The following DOCK4 variants were observed in gnomAD, a reference collection of about 807,000 sequenced individuals.
DOCK4 encodes the protein dedicator of cytokinesis 4.
In DOCK4, 97 loss-of-function variants were observed where a neutral mutation model predicts 268.1. The ratio of observed to expected loss-of-function variants is 0.36; its 90% confidence interval spans 0.31 to 0.43. The LOEUF (loss-of-function observed/expected upper bound fraction) is 0.43, where lower values mean the gene tolerates loss of function less well. DOCK4 is among the 20% of genes least tolerant of loss of function. The probability of loss-of-function intolerance (pLI) is 1.00; values close to 1 mark genes in which losing one functional copy is unlikely to be tolerated. For missense variants in DOCK4, 2,145 were observed against 2,455.7 expected (o/e 0.87, Z 2.67); for synonymous variants, 954 against 887.2 (o/e 1.08, Z -1.34).
chr7:112,197,362 A>C (rs1464166112), intron 1 of DOCK4, among the ~76,000 whole-genome samples: 1 of 151,340 alleles, frequency 6.6e-6, no homozygotes, highest in Admixed American at 6.6e-5. Context: ...CCATTTTTAG[A>C]TGGGTGCGTG....
rs111348179 is a variant in DOCK4, at chr7:111,769,807, A to G, written c.3680-130T>C. ...AAATTTCGTGATATAGCAGAAAAAT[A>G]TCCAGAATATATGCAGCAGTAGGGT... is the stretch of plus-strand genomic sequence containing the variant. On this transcript the variant is annotated intron_variant, in intron 36 of 52. Coordinates refer to ENST00000428084, the MANE Select transcript of DOCK4 (RefSeq NM_001363540.2). 19 of 1,088,742 alleles carry G rather than the reference A, an allele frequency of 1.7e-5. No individual in the cohort carries two copies. In the African/African-American group the frequency reaches 2.1e-4, roughly 12 times the overall value. 67.4% of individuals were successfully genotyped at this position (1,088,742 alleles called of 1,614,324 possible). A position where few individuals can be genotyped will look rare whatever the true frequency, so the allele number is the denominator to read the frequency against.
At chr7:111,816,426 G>C (rs142163360) in intron 27 of DOCK4, among the ~76,000 whole-genome samples, 1 of 152,290 alleles carries the variant, frequency 6.6e-6, no homozygotes, top group East Asian at 1.9e-4. Flanking sequence ...ACCAATGTGG[G>C]AATGCATCTA....
At chr7:112,136,480 G>T (rs1409700317) in intron 1 of DOCK4, among the ~76,000 whole-genome samples, 2 of 152,108 alleles carry the variant, frequency 1.3e-5, no homozygotes, top group Admixed American at 6.5e-5. Context: ...TAATTCACTC[G>T]CTCCCTCACA....
intron 30 of DOCK4, among the ~76,000 whole-genome samples, chr7:111,807,337 T>C (rs1800752289): frequency 6.6e-6 from 1 of 152,042 alleles, no homozygotes; most frequent in African/African-American, 2.4e-5. Flanking sequence ...AAAGAATCAA[T>C]GAAACCTGAA....
chr7:111,761,023 A>G (rs1322307753), intron 39 of DOCK4, among the ~76,000 whole-genome samples: 1 of 151,768 alleles, frequency 6.6e-6, no homozygotes, highest in Admixed American at 6.6e-5. Context: ...TGCCCCCTAC[A>G]ACACCCCATT....
intron 4 of DOCK4, among the ~76,000 whole-genome samples, chr7:111,994,459 T>A (rs973963609): frequency 6.6e-6 from 1 of 152,124 alleles, no homozygotes; most frequent in Non-Finnish European, 1.5e-5. Context: ...AGCAGCGTGG[T>A]GAAGAAGGAA....
chr7:112,140,209 A>G (rs971374829), intron 1 of DOCK4, among the ~76,000 whole-genome samples: 1 of 152,154 alleles, frequency 6.6e-6, no homozygotes. Context: ...ATTAGTCACA[A>G]TAACAAACCA....
At chr7:111,760,883 A>T (rs957964209) in intron 39 of DOCK4, among the ~76,000 whole-genome samples, 1 of 151,900 alleles carries the variant, frequency 6.6e-6, no homozygotes, top group Non-Finnish European at 1.5e-5. Flanking sequence ...TCCAAAAAGT[A>T]CCTGAATGAT....
At chr7:111,935,360 A>T in intron 12 of DOCK4, 180 bp downstream of exon 12, 1 of 677,184 alleles carries the variant, frequency 1.5e-6, no homozygotes, top group South Asian at 1.6e-5. Context: ...ATAGGGAGTT[A>T]TAAGTACAAC....
At chr7:111,982,081 T>C (rs1220322564) in intron 7 of DOCK4, among the ~76,000 whole-genome samples, 1 of 152,230 alleles carries the variant, frequency 6.6e-6, no homozygotes, top group East Asian at 1.9e-4. Flanking sequence ...GTGCAAGTGT[T>C]GTGCGGAACT....
chr7:112,184,013 T>C (rs998671896), intron 1 of DOCK4, among the ~76,000 whole-genome samples: 2 of 152,214 alleles, frequency 1.3e-5, no homozygotes, highest in African/African-American at 4.8e-5. Flanking sequence ...TGCAGACTTT[T>C]ATCACACCAC....
Position 111,977,284 on chromosome 7 carries a change from C to A in DOCK4, c.550-1G>T. The stretch of plus-strand genomic sequence containing the variant: ...CTTTCTTCCGATGTCGATGTTCCAT[C>A]TGAATGACACCCCCCAACAAAAACA... On this transcript the variant is annotated splice_acceptor_variant, in intron 7 of 52. Coordinates refer to ENST00000428084, the MANE Select transcript of DOCK4 (RefSeq NM_001363540.2). LOFTEE classifies it high-confidence loss of function. 2 of 1,589,568 alleles carry A rather than the reference C, an allele frequency of 1.3e-6. No homozygotes were observed. The highest frequency in any genetic ancestry group is 1.7e-6 in the Non-Finnish European group (2 of 1,167,532).
intron 1 of DOCK4, among the ~76,000 whole-genome samples, chr7:112,123,575 C>T (rs1400920716): frequency 6.6e-6 from 1 of 152,142 alleles, no homozygotes; most frequent in Non-Finnish European, 1.5e-5. Flanking sequence ...TTTTAGCTAT[C>T]AAGTCAAGAA....
chr7:112,132,482 A>T (rs1284675972), intron 1 of DOCK4, among the ~76,000 whole-genome samples: 2 of 152,140 alleles, frequency 1.3e-5, no homozygotes, highest in African/African-American at 4.8e-5. Flanking sequence ...CATCAACAAC[A>T]TTCACACAGA....
intron 51 of DOCK4, chr7:111,732,608 T>A (rs1394356803): frequency 1.2e-5 from 4 of 341,154 alleles, no homozygotes; most frequent in Non-Finnish European, 2.2e-5. Context: ...CACTGCTTGA[T>A]CTGTCTCATA....
rs57613263 is a variant in DOCK4 at position 112,151,961 on chromosome 7, TAAA to T, written c.37+54138_37+54140del. ...TTTAACTAGAGCACCAAACTGTTAT[TAAA>T]AAAAAAAAAAAAAACTAATTCTAGC... is the stretch of plus-strand genomic sequence containing the variant. On this transcript the variant is annotated intron_variant, in intron 1 of 52. Transcript: ENST00000428084. Among the ~76,000 whole-genome samples the T allele has an allele frequency of 2.4e-3, 315 of 131,226 alleles. 2 individuals carry two copies. The highest frequency in any genetic ancestry group is 8.1e-3 in the African/African-American group (300 of 36,884). 86.1% of individuals were successfully genotyped at this position (131,226 alleles called of 152,430 possible). A position where few individuals can be genotyped will look rare whatever the true frequency, so the allele number is the denominator to read the frequency against.
chr7:112,065,077 G>C (rs1806791520), intron 1 of DOCK4, among the ~76,000 whole-genome samples: 1 of 152,188 alleles, frequency 6.6e-6, no homozygotes, highest in Non-Finnish European at 1.5e-5. Flanking sequence ...CAGCATACAG[G>C]ACATTCACTG....
chr7:111,935,317 TTTTCG>T (rs1376209373), intron 12 of DOCK4: 1 of 575,284 alleles, frequency 1.7e-6, no homozygotes. Context: ...CAGATTATCT[TTTTCG>T]TTTCAACAAG....
chr7:112,037,576 C>T (rs1425098261), intron 1 of DOCK4, among the ~76,000 whole-genome samples: 1 of 152,166 alleles, frequency 6.6e-6, no homozygotes, highest in Non-Finnish European at 1.5e-5. Context: ...TGCCTGCCTT[C>T]TTTTGCTCAA....
Sources: gnomAD v4.1 joint callset for allele counts (sites outside exome capture counted in the v4.1 genomes callset) on GRCh38, gnomAD v4.1.1 for gene constraint, MANE v1.5 for transcripts, NCBI Gene and HGNC (gene_info 2026-07-23, HGNC 2026-07-21) for gene names.